The following ST6GALNAC3 variants were observed in gnomAD, a reference collection of about 807,000 sequenced individuals.
The protein encoded by ST6GALNAC3 is ST6 N-acetylgalactosaminide alpha-2,6-sialyltransferase 3, also known as alpha-N-acetylgalactosaminide alpha-2,6-sialyltransferase 3.
In ST6GALNAC3, 25 loss-of-function variants were observed where a neutral mutation model predicts 32.7. That is an observed-to-expected ratio of 0.76 (90% CI 0.56 to 1.07). The LOEUF (loss-of-function observed/expected upper bound fraction) is 1.07. ST6GALNAC3 is among the 50% of genes least tolerant of loss of function. ST6GALNAC3 has a pLI of 0.00. For synonymous variants in ST6GALNAC3, 129 were observed against 133.1 expected (o/e 0.97, Z 0.21); for missense variants, 355 against 382.4 (o/e 0.93, Z 0.60).
At position 76,391,335 on chromosome 1, in the gene ST6GALNAC3, A is replaced by G. The variant is rs796181609; in HGVS notation, c.214-20673A>G. Among the ~76,000 whole-genome samples, 6 of 152,250 alleles carry G rather than the reference A, an allele frequency of 3.9e-5. No homozygotes were observed. The South Asian group carries it at 8.3e-4, about 21-fold the overall frequency. ...ACTGAGGCAGTTCCTGTGTGTGAAA[A>G]GCTTCTAATGTGAGTGTGTGCTGTG... On this transcript the variant is annotated intron_variant, in intron 2 of 4. Coordinates refer to ENST00000328299, the MANE Select transcript of ST6GALNAC3 (RefSeq NM_152996.4).
At chr1:76,142,185 T>C (rs1650369425) in intron 1 of ST6GALNAC3, among the ~76,000 whole-genome samples, 3 of 152,150 alleles carry the variant, frequency 2.0e-5, no homozygotes, top group South Asian at 4.1e-4. Flanking sequence ...AGAAATTCCA[T>C]CTTTGTTAGG....
chr1:76,390,969 TCGCAC>T (rs1652493494), intron 2 of ST6GALNAC3, among the ~76,000 whole-genome samples: 1 of 148,820 alleles, frequency 6.7e-6, no homozygotes, highest in Non-Finnish European at 1.5e-5. Flanking sequence ...AGATGGAGTC[TCGCAC>T]TGTCGCCCAG....
intron 1 of ST6GALNAC3, among the ~76,000 whole-genome samples, chr1:76,281,733 C>G (rs1367407803): frequency 6.6e-6 from 1 of 152,166 alleles, no homozygotes; most frequent in Non-Finnish European, 1.5e-5. Flanking sequence ...GGGAAGGTCT[C>G]AAAGTTCACT....
At chr1:76,350,311 A>T (rs1648869711) in intron 2 of ST6GALNAC3, among the ~76,000 whole-genome samples, 1 of 152,194 alleles carries the variant, frequency 6.6e-6, no homozygotes, top group Non-Finnish European at 1.5e-5. Context: ...ACAGGCGCAC[A>T]TCACTGTCCC....
chr1:76,412,957 T>C (rs1383905121), intron 3 of ST6GALNAC3: 1 of 347,904 alleles, frequency 2.9e-6, no homozygotes, highest in South Asian at 2.4e-5. Flanking sequence ...ATTGAAATTA[T>C]ACGTCCCTTA....
At chr1:76,202,674 T>C (rs1489319477) in intron 1 of ST6GALNAC3, among the ~76,000 whole-genome samples, 1 of 152,216 alleles carries the variant, frequency 6.6e-6, no homozygotes. Context: ...CTTTTCATGC[T>C]GATAAAACCA....
At chr1:76,133,553 C>T (rs112329755) in intron 1 of ST6GALNAC3, among the ~76,000 whole-genome samples, 1 of 152,222 alleles carries the variant, frequency 6.6e-6, no homozygotes, top group African/African-American at 2.4e-5. Flanking sequence ...CATTTGTCCA[C>T]CTATATCCAG....
intron 2 of ST6GALNAC3, among the ~76,000 whole-genome samples, chr1:76,379,832 A>T (rs904360908): frequency 1.3e-5 from 2 of 152,096 alleles, no homozygotes; most frequent in Non-Finnish European, 2.9e-5. Context: ...AAACAAACAA[A>T]CAAGCCTCAC....
chr1:76,207,122 A>G (rs1221837771), intron 1 of ST6GALNAC3, among the ~76,000 whole-genome samples: 1 of 152,188 alleles, frequency 6.6e-6, no homozygotes, highest in Non-Finnish European at 1.5e-5. Context: ...TGTGTTGAGT[A>G]GTTTGCACTA....
At chr1:76,579,752 A>G (rs1012198292) in intron 3 of ST6GALNAC3, among the ~76,000 whole-genome samples, 3 of 151,884 alleles carry the variant, frequency 2.0e-5, no homozygotes, top group Non-Finnish European at 4.4e-5. Flanking sequence ...TTGGTCTCTT[A>G]TTTACTGTAC....
chr1:76,282,482 A>C (rs992725406), intron 1 of ST6GALNAC3, among the ~76,000 whole-genome samples: 2 of 152,026 alleles, frequency 1.3e-5, no homozygotes, highest in South Asian at 2.1e-4. Context: ...AAAACTCTAT[A>C]CTCAGTATAT....
chr1:76,622,366 A>G (rs1244226829), intron 3 of ST6GALNAC3, among the ~76,000 whole-genome samples: 1 of 151,960 alleles, frequency 6.6e-6, no homozygotes, highest in Admixed American at 6.6e-5. Context: ...TAATGGGTTT[A>G]GATGGACTTG....
intron 2 of ST6GALNAC3, among the ~76,000 whole-genome samples, chr1:76,360,304 G>T (rs531938853): frequency 1.3e-5 from 2 of 152,096 alleles, no homozygotes; most frequent in African/African-American, 4.8e-5. Context: ...CATTCACATG[G>T]TTCTTTGTTT....
chr1:76,537,907 CA>C (rs1457582260), intron 3 of ST6GALNAC3, among the ~76,000 whole-genome samples: 1 of 152,096 alleles, frequency 6.6e-6, no homozygotes, highest in Non-Finnish European at 1.5e-5. Flanking sequence ...AGACCATGAC[CA>C]GATGGATTCA....
chr1:76,461,008 A>T (rs533775638), intron 3 of ST6GALNAC3, among the ~76,000 whole-genome samples: 42 of 152,336 alleles, frequency 2.8e-4, no homozygotes, highest in African/African-American at 1.0e-3. Context: ...GAGTAGGAGT[A>T]ATGCCTGTGG....
intron 1 of ST6GALNAC3, among the ~76,000 whole-genome samples, chr1:76,261,821 A>G (rs1658255042): frequency 6.6e-6 from 1 of 152,196 alleles, no homozygotes. Flanking sequence ...ACATTTGTTA[A>G]CCAAAAAATG....
intron 3 of ST6GALNAC3, among the ~76,000 whole-genome samples, chr1:76,427,604 T>G (rs1243463452): frequency 6.6e-6 from 1 of 152,122 alleles, no homozygotes; most frequent in Non-Finnish European, 1.5e-5. Flanking sequence ...GGAGGGACAC[T>G]GGTCCATATT....
chr1:76,630,277 T>C lies in ST6GALNAC3; in HGVS notation c.*1471T>C, dbSNP rs1459803631. The C allele has an allele frequency of 8.7e-5, 86 of 985,114 alleles. No homozygotes were observed. Among genetic ancestry groups the C allele is most frequent in the Non-Finnish European group, 1.0e-4 (84 of 829,822 alleles). The allele number at this position is 985,114 out of a possible 1,614,324, so 61.0% of individuals were successfully genotyped here. A position where few individuals can be genotyped will look rare whatever the true frequency, so the allele number is the denominator to read the frequency against. ...ACAAAGGATGGTCTTGGCCATATGC[T>C]AGGGCCCCTGTGAAAATAAGTAGTT... On this transcript the variant is annotated 3_prime_UTR_variant, in exon 5 of 5. Coordinates refer to ENST00000328299, the MANE Select transcript of ST6GALNAC3 (RefSeq NM_152996.4).
chr1:76,476,928 TC>T (rs1431172218), intron 3 of ST6GALNAC3, among the ~76,000 whole-genome samples: 2 of 152,158 alleles, frequency 1.3e-5, no homozygotes, highest in Non-Finnish European at 2.9e-5. Flanking sequence ...AGCTAGTGTT[TC>T]TTTCAGCCTG....
Sources: gnomAD v4.1 joint callset for allele counts (sites outside exome capture counted in the v4.1 genomes callset) on GRCh38, gnomAD v4.1.1 for gene constraint, MANE v1.5 for transcripts, NCBI Gene and HGNC (gene_info 2026-07-23, HGNC 2026-07-21) for gene names.